The following VIL1 variants were observed in gnomAD, a reference collection of about 807,000 sequenced individuals.
VIL1 encodes the protein villin-1.
VIL1 carries 86 observed loss-of-function variants against 104.0 expected under a neutral mutation model. That is an observed-to-expected ratio of 0.83 (90% confidence interval 0.69 to 0.99). The LOEUF (loss-of-function observed/expected upper bound fraction) is 0.99, where lower values mean the gene tolerates loss of function less well. VIL1 is among the 50% of genes least tolerant of loss of function. The pLI is 0.00. For synonymous variants in VIL1, 394 were observed against 412.6 expected, an observed-to-expected ratio of 0.95 and a Z score of 0.55; for missense variants, 944 against 1,054.1, an observed-to-expected ratio of 0.90 and a Z score of 1.45.
At chr2:218,448,664 A>G (rs1185300445) in intron 19 of VIL1, among the ~76,000 whole-genome samples, 1 of 152,108 alleles carries the variant, frequency 6.6e-6, no homozygotes, top group Admixed American at 6.5e-5. Context: ...ACCCTTGTAC[A>G]AAGAAAATCT....
At chr2:218,445,367 C>G (rs1295913728) in intron 19 of VIL1, among the ~76,000 whole-genome samples, 1 of 152,136 alleles carries the variant, frequency 6.6e-6, no homozygotes, top group Non-Finnish European at 1.5e-5. Context: ...TGTCACCACA[C>G]TCCAGCCTGG....
chr2:218,434,230 G>A (rs1301205370), intron 13 of VIL1, among the ~76,000 whole-genome samples: 3 of 149,730 alleles, frequency 2.0e-5, no homozygotes, highest in African/African-American at 7.3e-5. Context: ...AGAGCTAGCT[G>A]GAGGGTTTGA....
In VIL1 at chr2:218,425,647, C is replaced by A. The variant is rs1481819464; in HGVS notation, c.183C>A (p.Asp61Glu). The change falls in exon 4 of 20, where the codon GAC (aspartate) becomes GAA (glutamate). Residue 61 changes from aspartate to glutamate, a missense_variant. Transcript: ENST00000248444. ...IHKTASSLSY[D>E]IHYWIGQDSS... is the part of the protein sequence containing the mutation. Reference sequence around the variant, plus strand: ...AGACAGCCAGCAGCCTGTCCTATGACATCCACTACTGGATTGGCCAGGACT... The same window carrying A: ...AGACAGCCAGCAGCCTGTCCTATGAAATCCACTACTGGATTGGCCAGGACT... 6.2e-7 allele frequency: 1 copy of A among 1,614,098 alleles called. No individual in the cohort carries two copies.
In VIL1 at chr2:218,436,428, TCTC is replaced by T. The variant is rs1202650062; in HGVS notation, c.1827-51_1827-49del. On this transcript the variant is annotated intron_variant, in intron 15 of 19. Transcript: ENST00000248444. ...TTCCTCAGAGTTCTGTGTCCTCAAT[TCTC>T]CTTTTGCCACACCTTCCTTCTGCCA... The T allele has an allele frequency of 2.5e-6, 4 of 1,584,820 alleles. No individual in the cohort carries two copies. The East Asian group carries it at 9.0e-5, about 36-fold the overall frequency.
At chr2:218,432,328 G>T in intron 12 of VIL1, 145 bp downstream of exon 12, 1 of 1,274,750 alleles carries the variant, frequency 7.8e-7, no homozygotes, top group Non-Finnish European at 1.1e-6. Context: ...TTGGCTATGA[G>T]GTCCCGCTAG....
rs1426907826 is a variant in VIL1, at chr2:218,449,204, G to A, written c.2371-19G>A. On this transcript the variant is annotated intron_variant, in intron 19 of 19. Transcript: ENST00000248444. ...GAAGGATATGTGACCTTTGCCCTCT[G>A]GTCCCTCTCTTCTTCTAGGAACACC... The A allele has an allele frequency of 6.3e-7, 1 of 1,593,518 alleles. No homozygotes were observed. Among genetic ancestry groups the A allele is most frequent in the Admixed American group, 1.7e-5 (1 of 59,980 alleles).
chr2:218,424,214 C>A, intron 2 of VIL1, 63 bp from the exon 3 acceptor site: 2 of 1,486,038 alleles, frequency 1.3e-6, no homozygotes, highest in Non-Finnish European at 1.9e-6. Context: ...CTTGGGCCCT[C>A]CTCCCAGGCC....
At chr2:218,427,375 G>A (rs183779901) in intron 4 of VIL1, among the ~76,000 whole-genome samples, 53 of 148,680 alleles carry the variant, frequency 3.6e-4, no homozygotes, top group Non-Finnish European at 6.5e-4. Context: ...TTAGGCTAGA[G>A]TGCAATGGTG....
At chr2:218,435,727 C>A (rs1490516099) in intron 15 of VIL1, among the ~76,000 whole-genome samples, 2 of 152,168 alleles carry the variant, frequency 1.3e-5, no homozygotes, top group Non-Finnish European at 2.9e-5. Context: ...AGGGGCAGGG[C>A]TAGAGGTTTG....
At chr2:218,441,727 C>A (rs926351457) in intron 19 of VIL1, among the ~76,000 whole-genome samples, 3 of 152,146 alleles carry the variant, frequency 2.0e-5, no homozygotes, top group Non-Finnish European at 2.9e-5. Flanking sequence ...GTGGCTCATG[C>A]CTGTAATCCC....
intron 4 of VIL1, among the ~76,000 whole-genome samples, chr2:218,427,541 G>T (rs1689022775): frequency 6.6e-6 from 1 of 152,056 alleles, no homozygotes; most frequent in Non-Finnish European, 1.5e-5. Flanking sequence ...GGCCAGGCTG[G>T]TCTGGAACTC....
chr2:218,430,641 T>C, intron 9 of VIL1, 84 bp from the exon 10 acceptor site: 1 of 1,490,642 alleles, frequency 6.7e-7, no homozygotes, highest in Non-Finnish European at 9.0e-7. Context: ...GTGGATCTGG[T>C]TAGGTTAGAG....
chr2:218,430,420 C>T lies in VIL1; in HGVS notation c.949-305C>T, dbSNP rs115771325. Among the ~76,000 whole-genome samples the T allele has an allele frequency of 5.9e-3, 905 of 152,206 alleles. 9 individuals carry two copies. Among genetic ancestry groups the T allele is most frequent in the African/African-American group, 0.02 (834 of 41,522 alleles). On this transcript the variant is annotated intron_variant, in intron 9 of 19. Transcript: ENST00000248444. ...TAGGATTAGCATTGAGGTAGGGTCA[C>T]ATTAGGCGTTAGATTTGGCTTTGGG...
chr2:218,419,522 C>T (rs1688865879), intron 1 of VIL1, among the ~76,000 whole-genome samples: 1 of 152,134 alleles, frequency 6.6e-6, no homozygotes, highest in African/African-American at 2.4e-5. Flanking sequence ...ACCTCACTCC[C>T]CGAGCCCCCT....
At position 218,423,829 on chromosome 2, in the gene VIL1, G is replaced by C; in HGVS notation, c.51G>C (p.Pro17=). Residue 17 remains proline, a synonymous_variant, in exon 2 of 20, where the codon CCG becomes CCC. Coordinates refer to ENST00000248444, the MANE Select transcript of VIL1 (RefSeq NM_007127.3). ...QVKGSLNITT[P]GLQIWRIEAM... is the part of the protein sequence containing the mutation. ...AAGGCTCTCTCAACATCACCACCCC[G>C]GGGCTGCAGATATGGAGGATCGAGG... 1 of 1,614,134 alleles carries C rather than the reference G, an allele frequency of 6.2e-7. No homozygotes were observed. The highest frequency in any genetic ancestry group is 8.5e-7 in the Non-Finnish European group (1 of 1,180,010).
intron 18 of VIL1, among the ~76,000 whole-genome samples, chr2:218,439,524 A>G (rs189077047): frequency 9.6e-4 from 146 of 152,254 alleles, no homozygotes; most frequent in Middle Eastern, 3.4e-3. Flanking sequence ...GTGAGTTAAC[A>G]GAAGTGTATT....
At chr2:218,434,817 G>A (rs931385719) in intron 14 of VIL1, 112 bp downstream of exon 14, 7 of 1,198,848 alleles carry the variant, frequency 5.8e-6, no homozygotes, top group Non-Finnish European at 8.1e-6. Context: ...AGTTGTGCCT[G>A]CTCAATTCTC....
Position 218,425,649 on chromosome 2 carries a change from T to C in VIL1, c.185T>C (p.Ile62Thr). Residue 62 changes from isoleucine to threonine, a missense_variant, in exon 4 of 20, where the codon ATC (isoleucine) becomes ACC (threonine). Ile to Thr is a moderately conservative substitution (Grantham distance 89, BLOSUM62 -1). Transcript: ENST00000248444. ...HKTASSLSYDIHYWIGQDSSL... is the reference protein window; with the variant it reads ...HKTASSLSYDTHYWIGQDSSL... ...ACAGCCAGCAGCCTGTCCTATGACA[T>C]CCACTACTGGATTGGCCAGGACTCA... The C allele has an allele frequency of 6.2e-7, 1 of 1,614,106 alleles. No homozygotes were observed.
At chr2:218,444,682 C>G (rs1312785613) in intron 19 of VIL1, among the ~76,000 whole-genome samples, 1 of 152,162 alleles carries the variant, frequency 6.6e-6, no homozygotes, top group Non-Finnish European at 1.5e-5. Context: ...ATCTCTCTGT[C>G]TGCTCCAATC....
Sources: gnomAD v4.1 joint callset for allele counts (sites outside exome capture counted in the v4.1 genomes callset) on GRCh38, gnomAD v4.1.1 for gene constraint, MANE v1.5 for transcripts, NCBI Gene and HGNC (gene_info 2026-07-23, HGNC 2026-07-21) for gene names.